ATP8B4: variants seen among roughly 807,000 people sequenced by gnomAD.
The protein encoded by ATP8B4 is probable phospholipid-transporting ATPase IM.
Under a neutral mutation model 145.6 loss-of-function variants are expected in ATP8B4, and 133 were observed. That is an observed-to-expected ratio of 0.91 (90% CI 0.79 to 1.05). ATP8B4 has a LOEUF of 1.05. ATP8B4 is among the 50% of genes least tolerant of loss of function. The pLI, the probability that ATP8B4 is intolerant of heterozygous loss-of-function variation, is 0.00. For missense variants in ATP8B4, 1,458 were observed against 1,425.2 expected (o/e 1.02, Z -0.37); for synonymous variants, 507 against 492.9 (o/e 1.03, Z -0.38).
At chr15:50,083,354 C>CAA (rs10693471) in intron 2 of ATP8B4, among the ~76,000 whole-genome samples, 1,765 of 151,692 alleles carry the variant, frequency 0.012, 33 homozygotes, top group African/African-American at 0.04. Context: ...TTATCTATAG[C>CAA]AAAAAAAATG....
chr15:50,079,416 T>TA (rs1474080336), intron 2 of ATP8B4, among the ~76,000 whole-genome samples: 2 of 152,108 alleles, frequency 1.3e-5, no homozygotes, highest in African/African-American at 2.4e-5. Flanking sequence ...TGCCACAGAA[T>TA]AAAGGAATGC....
chr15:49,995,319 A>T (rs931634497), intron 9 of ATP8B4, among the ~76,000 whole-genome samples: 3 of 152,196 alleles, frequency 2.0e-5, no homozygotes, highest in Non-Finnish European at 2.9e-5. Flanking sequence ...TGAATATTCA[A>T]TGAGGTATTT....
At chr15:49,953,435 C>G (rs567636052) in intron 14 of ATP8B4, among the ~76,000 whole-genome samples, 12 of 152,286 alleles carry the variant, frequency 7.9e-5, no homozygotes, top group African/African-American at 2.9e-4. Flanking sequence ...TACAGGGAAG[C>G]CCAGCTCACT....
At chr15:50,068,467 C>T (rs1477823900) in intron 3 of ATP8B4, among the ~76,000 whole-genome samples, 1 of 152,128 alleles carries the variant, frequency 6.6e-6, no homozygotes. Context: ...GCATTAGAAT[C>T]ATAATTTTTA....
rs141326702 is a variant in ATP8B4 at position 50,088,255 on chromosome 15, C to T, written c.29-14070G>A. Among the ~76,000 whole-genome samples the T allele has an allele frequency of 5.9e-5, 9 of 151,990 alleles. No individual in the cohort carries two copies. The East Asian group carries it at 7.7e-4, about 13-fold the overall frequency. On this transcript the variant is annotated intron_variant, in intron 2 of 27. Transcript: ENST00000284509. ...ACAATTAGCTGGGCGTGGTGGCAGG[C>T]GTCTGTAGTCCCAGCTACTTGGGAA...
intron 7 of ATP8B4, among the ~76,000 whole-genome samples, chr15:50,002,890 G>A (rs1468621827): frequency 6.6e-6 from 1 of 152,200 alleles, no homozygotes; most frequent in Non-Finnish European, 1.5e-5. Context: ...CTATTCTGAT[G>A]TCCAATTGAG....
chr15:49,949,225 G>A (rs961672970), intron 14 of ATP8B4, among the ~76,000 whole-genome samples: 6 of 152,136 alleles, frequency 3.9e-5, no homozygotes, highest in African/African-American at 1.4e-4. Flanking sequence ...GTAGTTTGAT[G>A]GGAATAGCAT....
chr15:50,080,429 T>G (rs968126431), intron 2 of ATP8B4, among the ~76,000 whole-genome samples: 1 of 152,218 alleles, frequency 6.6e-6, no homozygotes, highest in Non-Finnish European at 1.5e-5. Flanking sequence ...ATAGGGCTGA[T>G]GGTTTGTTAA....
At chr15:49,916,553 T>C (rs2039759748) in intron 20 of ATP8B4, among the ~76,000 whole-genome samples, 1 of 152,132 alleles carries the variant, frequency 6.6e-6, no homozygotes, top group Non-Finnish European at 1.5e-5. Context: ...ATTCTTAATT[T>C]GTAGGTCAGA....
chr15:49,859,933 T>TA lies in ATP8B4; in HGVS notation c.*260_*261insT. ...CAGGTCAATTGGTATCTAGGTTGAT[T>TA]TAAAAAAAAAAAAAATCTGTACTTG... On this transcript the variant is annotated 3_prime_UTR_variant, in exon 28 of 28. Coordinates refer to ENST00000284509, the MANE Select transcript of ATP8B4 (RefSeq NM_024837.4). 7.2e-6 allele frequency: 3 copies of TA among 414,902 alleles called. No homozygotes were observed. The highest frequency in any genetic ancestry group is 4.2e-5 in the Admixed American group (1 of 23,748). The allele number at this position is 414,902 out of a possible 1,614,324, so 25.7% of individuals were successfully genotyped here.
chr15:50,139,168 C>A (rs35007117), intron 1 of ATP8B4, among the ~76,000 whole-genome samples: 24,578 of 152,146 alleles, frequency 0.16, 2,255 homozygotes, highest in Non-Finnish European at 0.21. Context: ...TTCACATTAG[C>A]AAAGACTTGG....
intron 7 of ATP8B4, among the ~76,000 whole-genome samples, chr15:50,005,079 T>G (rs2048200682): frequency 2.6e-5 from 4 of 152,196 alleles, no homozygotes; most frequent in Admixed American, 2.6e-4. Flanking sequence ...TATCATTAAT[T>G]CTGATCAGAA....
At position 50,038,801 on chromosome 15, in the gene ATP8B4, T is replaced by C. The variant is rs770852393; in HGVS notation, c.329A>G (p.Asn110Ser). The change falls in exon 6 of 28, where the codon AAT becomes AGT. Residue 110 changes from asparagine (N) to serine (S), a missense_variant. Physicochemically the swap from Asn to Ser is conservative, Grantham distance 46. Coordinates refer to ENST00000284509, the MANE Select transcript of ATP8B4 (RefSeq NM_024837.4). ...GATGAGCACTTCAGACTGCCGATTA[T>C]TCACTTGATTATCACTCTTGTGGCG... Reference protein sequence around the residue: ...YFRHKSDNQVNNRQSEVLINS... With the variant: ...YFRHKSDNQVSNRQSEVLINS... The C allele has an allele frequency of 1.7e-5, 27 of 1,613,664 alleles. No homozygotes were observed. The highest frequency in any genetic ancestry group is 3.3e-4 in the Middle Eastern group (2 of 6,080).
chr15:49,978,785 C>CACA (rs779898469), intron 12 of ATP8B4, among the ~76,000 whole-genome samples: 2 of 131,268 alleles, frequency 1.5e-5, no homozygotes, highest in South Asian at 4.9e-4. Context: ...CACACACACA[C>CACA]ATGCATACAT....
chr15:50,113,574 C>T (rs1296945872), intron 1 of ATP8B4, among the ~76,000 whole-genome samples: 2 of 152,068 alleles, frequency 1.3e-5, no homozygotes, highest in Non-Finnish European at 2.9e-5. Context: ...AGCGGTGGCT[C>T]ACACCTGTAA....
intron 2 of ATP8B4, among the ~76,000 whole-genome samples, chr15:50,075,152 G>A (rs974163400): frequency 6.6e-6 from 1 of 152,110 alleles, no homozygotes; most frequent in Non-Finnish European, 1.5e-5. Context: ...TACAACCAGA[G>A]ATAAAGGAGA....
At chr15:50,179,157 C>T (rs1012067443) in intron 1 of ATP8B4, among the ~76,000 whole-genome samples, 2 of 152,084 alleles carry the variant, frequency 1.3e-5, no homozygotes, top group African/African-American at 2.4e-5. Context: ...AGTTTTGGTC[C>T]ATTTTAAAAT....
At position 49,897,674 on chromosome 15, in the gene ATP8B4, T is replaced by C. The variant is rs569983678; in HGVS notation, c.2474-159A>G. Among the ~76,000 whole-genome samples the C allele has an allele frequency of 4.6e-5, 7 of 152,338 alleles. No homozygotes were observed. The South Asian group carries it at 1.2e-3, about 27-fold the overall frequency. On this transcript the variant is annotated intron_variant, in intron 22 of 27. Coordinates refer to ENST00000284509, the MANE Select transcript of ATP8B4 (RefSeq NM_024837.4). ...AAACACTTATGATAGATATTTCTCT[T>C]AGTTTTACAAAAGAGAAAATCAGCC...
intron 10 of ATP8B4, among the ~76,000 whole-genome samples, chr15:49,984,492 A>G (rs1382639177): frequency 6.6e-6 from 1 of 152,194 alleles, no homozygotes; most frequent in Non-Finnish European, 1.5e-5. Context: ...CACCTGAGCC[A>G]GAAGGGATGA....
Sources: allele counts gnomAD v4.1 joint callset (sites outside exome capture counted in the v4.1 genomes callset), GRCh38; gene constraint gnomAD v4.1.1; transcripts MANE v1.5; gene names NCBI Gene and HGNC (gene_info 2026-07-23, HGNC 2026-07-21).